PRDM16: variants seen among roughly 807,000 people sequenced by gnomAD.
The protein encoded by PRDM16 is PR/SET domain 16.
PRDM16 carries 23 observed loss-of-function variants against 110.6 expected under a neutral mutation model. The observed-to-expected ratio is 0.21, with a 90% CI of 0.15 to 0.29. The LOEUF is 0.29. Ranked by LOEUF, PRDM16 falls within the 10% of genes least tolerant of loss-of-function variation. The probability of loss-of-function intolerance (pLI) is 1.00; values close to 1 mark genes in which losing one functional copy is unlikely to be tolerated. For missense variants in PRDM16, 1,615 were observed against 1,794.3 expected, an observed-to-expected ratio of 0.90 and a Z score of 1.81; for synonymous variants, 799 against 781.8, an observed-to-expected ratio of 1.02 and a Z score of -0.37.
intron 1 of PRDM16, among the ~76,000 whole-genome samples, chr1:3,178,305 CCTT>C (rs1270648104): frequency 2.6e-5 from 4 of 152,182 alleles, no homozygotes; most frequent in East Asian, 3.9e-4. Context: ...CGAACACAGT[CCTT>C]CTGAAATTCT....
At chr1:3,224,857 A>G (rs924185182) in intron 2 of PRDM16, among the ~76,000 whole-genome samples, 1 of 152,202 alleles carries the variant, frequency 6.6e-6, no homozygotes, top group Non-Finnish European at 1.5e-5. Flanking sequence ...GGACTATGCA[A>G]TCTCGTCTCT....
intron 10 of PRDM16, among the ~76,000 whole-genome samples, chr1:3,415,169 T>C (rs2483228): frequency 0.5 from 76,092 of 152,042 alleles, 19,407 homozygotes; most frequent in African/African-American, 0.59. Flanking sequence ...TCCAGACAGG[T>C]GGGTGCAGAC....
At chr1:3,125,151 G>T (rs941662530) in intron 1 of PRDM16, among the ~76,000 whole-genome samples, 2 of 152,252 alleles carry the variant, frequency 1.3e-5, no homozygotes, top group African/African-American at 4.8e-5. Context: ...CCAGCCAAAG[G>T]CTGACCATGT....
In PRDM16 at chr1:3,080,908, C is replaced by T. The variant is rs13328679; in HGVS notation, c.37+11612C>T. On this transcript the variant is annotated intron_variant, in intron 1 of 16. Coordinates refer to ENST00000270722, the MANE Select transcript of PRDM16 (RefSeq NM_022114.4). The surrounding 1 kb of genome is among the most constrained non-coding windows in gnomAD (Gnocchi z 5.2). ...CCCGGCCCGAGCACCCAACGCTTCC[C>T]GGAGAGCTTGTGTGCCTGAGAGTGT... is the stretch of plus-strand genomic sequence containing the variant. 0.014 allele frequency among the ~76,000 whole-genome samples: 2,100 copies of T among 151,984 alleles called. 49 individuals carry two copies. Among genetic ancestry groups the T allele is most frequent in the African/African-American group, 0.048 (1,987 of 41,474 alleles).
chr1:3,232,041 C>T (rs1260742353), intron 2 of PRDM16, among the ~76,000 whole-genome samples: 4 of 152,248 alleles, frequency 2.6e-5, no homozygotes, highest in South Asian at 2.1e-4. Flanking sequence ...CTCTGCCTCC[C>T]GCTGCCTTCA....
Position 3,069,330 on chromosome 1 carries a change from C to T in PRDM16, c.37+34C>T, listed in dbSNP as rs773086815. On this transcript the variant is annotated intron_variant, in intron 1 of 16. Transcript: ENST00000270722. This position sits in a 1 kb window ranked among gnomAD's most constrained non-coding sequence, Gnocchi z 6.1. ...CCCGCGCTCGGCCGCGCCGCGCCGC[C>T]GGGGCCCGGGCCGCCGGGCCGGGGC... 2 of 1,157,282 alleles carry T rather than the reference C, an allele frequency of 1.7e-6. No individual in the cohort carries two copies. Among genetic ancestry groups the T allele is most frequent in the South Asian group, 2.2e-5 (1 of 45,480 alleles). 71.7% of individuals were successfully genotyped at this position (1,157,282 alleles called of 1,614,324 possible).
At chr1:3,277,101 T>G (rs1007702205) in intron 3 of PRDM16, among the ~76,000 whole-genome samples, 5 of 152,084 alleles carry the variant, frequency 3.3e-5, no homozygotes, top group African/African-American at 1.2e-4. Context: ...CACCAGCCAT[T>G]CGTCACCTGC....
At chr1:3,341,769 C>A (rs946429402) in intron 3 of PRDM16, among the ~76,000 whole-genome samples, 1 of 152,266 alleles carries the variant, frequency 6.6e-6, no homozygotes, top group African/African-American at 2.4e-5. Context: ...CGCTCCCAGG[C>A]CAGCCACACA....
chr1:3,121,529 G>A lies in PRDM16; in HGVS notation c.37+52233G>A, dbSNP rs1363015250. 5.9e-5 allele frequency among the ~76,000 whole-genome samples: 9 copies of A among 152,230 alleles called. No individual in the cohort carries two copies. In the South Asian group the frequency reaches 1.0e-3, roughly 18 times the overall value. Reference sequence around the variant, plus strand: ...CGTTTCTGTGGAGACTCCGAACGTCGCCTGCCTCCTGCAAGGCCGCTAGTG... The same window carrying A: ...CGTTTCTGTGGAGACTCCGAACGTCACCTGCCTCCTGCAAGGCCGCTAGTG... On this transcript the variant is annotated intron_variant, in intron 1 of 16. Coordinates refer to ENST00000270722, the MANE Select transcript of PRDM16 (RefSeq NM_022114.4).
chr1:3,149,782 A>G (rs192705204), intron 1 of PRDM16, among the ~76,000 whole-genome samples: 3 of 152,232 alleles, frequency 2.0e-5, no homozygotes, highest in African/African-American at 7.2e-5. Flanking sequence ...TTCACCGCTC[A>G]GGAGGGAGGG....
chr1:3,402,032 T>C (rs1262117836), intron 5 of PRDM16, among the ~76,000 whole-genome samples: 1 of 152,268 alleles, frequency 6.6e-6, no homozygotes, highest in Non-Finnish European at 1.5e-5. Flanking sequence ...GATGCAGATA[T>C]GCTGAGATAT....
chr1:3,172,666 C>T (rs1409486902), intron 1 of PRDM16, among the ~76,000 whole-genome samples: 1 of 152,240 alleles, frequency 6.6e-6, no homozygotes, highest in Non-Finnish European at 1.5e-5. Flanking sequence ...ACTTGAGGAC[C>T]TTGTGCTAAG....
rs1642172253 is a variant in PRDM16, at chr1:3,087,274, C to T, written c.37+17978C>T. The stretch of plus-strand genomic sequence containing the variant: ...CAGCCCCACCTGAGACCAGCCCCAC[C>T]TGAGGCCAGCCCCACCTGAGACCAG... On this transcript the variant is annotated intron_variant, in intron 1 of 16. Transcript: ENST00000270722. Among the ~76,000 whole-genome samples, 3 of 151,648 alleles carry T rather than the reference C, an allele frequency of 2.0e-5. No homozygotes were observed. In the South Asian group the frequency reaches 6.3e-4, roughly 32 times the overall value.
In PRDM16 at chr1:3,359,620, T is replaced by G. The variant is rs2100555509; in HGVS notation, c.439-25532T>G. On this transcript the variant is annotated intron_variant, in intron 3 of 16. Transcript: ENST00000270722. The surrounding 1 kb of genome is among the most constrained non-coding windows in gnomAD (Gnocchi z 4.3). ...CTCCACCTGTCACCGTTGTTTATCC[T>G]CCTCAGCACTCACAGCCCCATCTCT... 6.6e-6 allele frequency among the ~76,000 whole-genome samples: 1 copy of G among 152,286 alleles called. No homozygotes were observed. The highest frequency in any genetic ancestry group is 2.4e-5 in the African/African-American group (1 of 41,552).
At chr1:3,285,234 A>C (rs1284225733) in intron 3 of PRDM16, among the ~76,000 whole-genome samples, 4 of 152,094 alleles carry the variant, frequency 2.6e-5, no homozygotes, top group Non-Finnish European at 5.9e-5. Context: ...GGGGCACCCC[A>C]GCCCTCTGGC....
chr1:3,080,730 G>C lies in PRDM16; in HGVS notation c.37+11434G>C, dbSNP rs1642003755. ...CCCTCGGACCGGGCAACTGCTCCTG[G>C]ATTTCTGTTCCGAGGAACATGTTGG... On this transcript the variant is annotated intron_variant, in intron 1 of 16. Transcript: ENST00000270722. This position sits in a 1 kb window ranked among gnomAD's most constrained non-coding sequence, Gnocchi z 5.2. 6.6e-6 allele frequency among the ~76,000 whole-genome samples: 1 copy of C among 152,288 alleles called. No individual in the cohort carries two copies. The highest frequency in any genetic ancestry group is 1.5e-5 in the Non-Finnish European group (1 of 68,026).
intron 1 of PRDM16, among the ~76,000 whole-genome samples, chr1:3,149,533 C>G (rs1643738879): frequency 6.6e-6 from 1 of 152,216 alleles, no homozygotes; most frequent in Non-Finnish European, 1.5e-5. Flanking sequence ...TGTATCCAGA[C>G]TCCGCCTGGG....
intron 2 of PRDM16, among the ~76,000 whole-genome samples, chr1:3,200,626 G>A (rs988615094): frequency 6.6e-6 from 1 of 152,246 alleles, no homozygotes; most frequent in Non-Finnish European, 1.5e-5. Flanking sequence ...ACAGGCGTGA[G>A]CCACCGCGCC....
intron 1 of PRDM16, among the ~76,000 whole-genome samples, chr1:3,114,165 G>GCACA (rs778067599): frequency 7.7e-6 from 1 of 129,052 alleles, no homozygotes; most frequent in Non-Finnish European, 1.7e-5. Flanking sequence ...ACACACACAC[G>GCACA]CACACACACG....
Sources: allele counts gnomAD v4.1 joint callset (sites outside exome capture counted in the v4.1 genomes callset), GRCh38; gene constraint gnomAD v4.1.1; non-coding constraint Gnocchi (gnomAD v3.1); transcripts MANE v1.5; gene names NCBI Gene and HGNC (gene_info 2026-07-23, HGNC 2026-07-21).